ITGA9: variants seen among roughly 807,000 people sequenced by gnomAD.
ITGA9 encodes the protein integrin subunit alpha 9, also known as integrin alpha-9.
ITGA9 carries 56 observed loss-of-function variants against 127.8 expected under a neutral mutation model. The ratio of observed to expected loss-of-function variants is 0.44; its 90% CI spans 0.35 to 0.55. The LOEUF is 0.55. Among genes scored for constraint, ITGA9 ranks in the 20% least tolerant of loss-of-function variants. The pLI is 0.00. For synonymous variants in ITGA9, 508 were observed against 514.5 expected (o/e 0.99, Z 0.17); for missense variants, 1,196 against 1,347.1 (o/e 0.89, Z 1.76).
intron 17 of ITGA9, among the ~76,000 whole-genome samples, chr3:37,654,630 A>G (rs1434307255): frequency 1.3e-5 from 2 of 152,218 alleles, no homozygotes; most frequent in Non-Finnish European, 2.9e-5. Flanking sequence ...ACTTAAAACT[A>G]TGAGAGTTAA....
intron 23 of ITGA9, among the ~76,000 whole-genome samples, chr3:37,773,467 C>T (rs78341077): frequency 0.02 from 3,098 of 152,316 alleles, 111 homozygotes; most frequent in African/African-American, 0.07. Flanking sequence ...TACACACATT[C>T]GGATTCTCAA....
rs1559604413 is a variant in ITGA9 at position 37,806,806 on chromosome 3, C to T, written c.3009+2864C>T. ...TTGAGGAGGCTGTTGAATGAGGCCA[C>T]CTGGGTCACAACAGCTTTGCTAGTC... On this transcript the variant is annotated intron_variant, in intron 27 of 27. Coordinates refer to ENST00000264741, the MANE Select transcript of ITGA9 (RefSeq NM_002207.3). The surrounding 1 kb of genome is among the most constrained non-coding windows in gnomAD (Gnocchi z 4.3). 1 of 152,386 alleles carries T rather than the reference C, an allele frequency of 6.6e-6. No individual in the cohort carries two copies. Among genetic ancestry groups the T allele is most frequent in the East Asian group, 1.9e-4 (1 of 5,178 alleles). The allele number at this position is 152,386 out of a possible 1,614,324, so 9.4% of individuals were successfully genotyped here. A position where few individuals can be genotyped will look rare whatever the true frequency, so the allele number is the denominator to read the frequency against.
chr3:37,577,453 A>G (rs1699664824), intron 15 of ITGA9, among the ~76,000 whole-genome samples: 1 of 152,220 alleles, frequency 6.6e-6, no homozygotes, highest in East Asian at 1.9e-4. Context: ...AAACACTAAC[A>G]GTGGAACCAG....
At position 37,505,413 on chromosome 3, in the gene ITGA9, C is replaced by T. The variant is rs368303088; in HGVS notation, c.743-587C>T. 4.7e-4 allele frequency among the ~76,000 whole-genome samples: 72 copies of T among 152,226 alleles called. 1 individual carries two copies. In the South Asian group the frequency reaches 0.013, roughly 27 times the overall value. ...ATAAACATATGACATATTTATATAA[C>T]GGATATTACTCAATAATAAAAAGAA... is the stretch of plus-strand genomic sequence containing the variant. On this transcript the variant is annotated intron_variant, in intron 6 of 27. Coordinates refer to ENST00000264741, the MANE Select transcript of ITGA9 (RefSeq NM_002207.3).
intron 16 of ITGA9, among the ~76,000 whole-genome samples, chr3:37,640,073 G>A (rs1484920128): frequency 6.6e-6 from 1 of 152,200 alleles, no homozygotes; most frequent in Non-Finnish European, 1.5e-5. Flanking sequence ...GGGCTTCCAG[G>A]TCTTTCACTG....
chr3:37,798,964 G>T (rs549863713), intron 26 of ITGA9, among the ~76,000 whole-genome samples: 5 of 152,174 alleles, frequency 3.3e-5, no homozygotes, highest in Middle Eastern at 3.4e-3. Flanking sequence ...TAATAGTTCT[G>T]TGGTATTCTA....
intron 18 of ITGA9, among the ~76,000 whole-genome samples, chr3:37,728,925 C>T (rs1024758164): frequency 6.6e-6 from 1 of 151,960 alleles, no homozygotes; most frequent in African/African-American, 2.4e-5. Flanking sequence ...TCTGCTTCAC[C>T]CAGTCCTATG....
chr3:37,623,172 C>T (rs1327084752), intron 15 of ITGA9, among the ~76,000 whole-genome samples: 2 of 152,218 alleles, frequency 1.3e-5, no homozygotes, highest in Non-Finnish European at 1.5e-5. Flanking sequence ...TATGTCAGCA[C>T]CTTAACCACT....
At chr3:37,717,948 C>T (rs1701152053) in intron 18 of ITGA9, among the ~76,000 whole-genome samples, 2 of 152,136 alleles carry the variant, frequency 1.3e-5, no homozygotes, top group Non-Finnish European at 2.9e-5. Flanking sequence ...TGGGGACAGC[C>T]AATGCTTCTC....
chr3:37,560,920 C>T (rs1699480728), intron 15 of ITGA9, among the ~76,000 whole-genome samples: 1 of 152,170 alleles, frequency 6.6e-6, no homozygotes, highest in Non-Finnish European at 1.5e-5. Flanking sequence ...CTCTTCTTGG[C>T]TTGTAGATGA....
At chr3:37,453,089 G>T (rs914328816) in intron 1 of ITGA9, among the ~76,000 whole-genome samples, 11 of 144,718 alleles carry the variant, frequency 7.6e-5, no homozygotes, top group African/African-American at 2.6e-4. Context: ...GATCCACTGG[G>T]GCGCACTGGA....
chr3:37,511,935 A>G (rs1220625832), intron 8 of ITGA9, among the ~76,000 whole-genome samples: 1 of 151,492 alleles, frequency 6.6e-6, no homozygotes, highest in Non-Finnish European at 1.5e-5. Context: ...ATTAGAAAAC[A>G]TTTATTTTAA....
intron 7 of ITGA9, among the ~76,000 whole-genome samples, chr3:37,506,922 G>A (rs1421645930): frequency 2.0e-5 from 3 of 152,188 alleles, no homozygotes; most frequent in Admixed American, 2.0e-4. Context: ...CTGGATTCTG[G>A]ATTAGCCCAG....
intron 25 of ITGA9, among the ~76,000 whole-genome samples, chr3:37,784,075 G>A (rs990358798): frequency 1.1e-4 from 16 of 152,138 alleles, no homozygotes; most frequent in African/African-American, 3.9e-4. Flanking sequence ...GACACCACAA[G>A]ACACCTTGCC....
At chr3:37,700,839 A>AT (rs1214873061) in intron 18 of ITGA9, among the ~76,000 whole-genome samples, 3 of 152,216 alleles carry the variant, frequency 2.0e-5, no homozygotes, top group Non-Finnish European at 4.4e-5. Flanking sequence ...TACACCAGTA[A>AT]TTTTTAAGTA....
chr3:37,691,065 C>A (rs559405896), intron 18 of ITGA9, among the ~76,000 whole-genome samples: 2 of 152,184 alleles, frequency 1.3e-5, no homozygotes, highest in Admixed American at 1.3e-4. Flanking sequence ...CTCCTGCCCT[C>A]CCATATGCAT....
chr3:37,703,410 T>G (rs941940636), intron 18 of ITGA9, among the ~76,000 whole-genome samples: 1 of 152,232 alleles, frequency 6.6e-6, no homozygotes, highest in Non-Finnish European at 1.5e-5. Flanking sequence ...TCATTAACTA[T>G]TAGTACTTAA....
chr3:37,555,185 G>T (rs1172733657), intron 15 of ITGA9, among the ~76,000 whole-genome samples: 1 of 152,198 alleles, frequency 6.6e-6, no homozygotes, highest in Non-Finnish European at 1.5e-5. Context: ...CTGGTCTGAG[G>T]CCCCTGTAAA....
At chr3:37,592,104 G>A (rs149853130) in intron 15 of ITGA9, among the ~76,000 whole-genome samples, 1 of 152,122 alleles carries the variant, frequency 6.6e-6, no homozygotes, top group Non-Finnish European at 1.5e-5. Flanking sequence ...CCTCCAGCCT[G>A]TCTCTTTCAT....
Sources: gnomAD v4.1 joint callset for allele counts (sites outside exome capture counted in the v4.1 genomes callset) on GRCh38, gnomAD v4.1.1 for gene constraint, Gnocchi (gnomAD v3.1) non-coding constraint, MANE v1.5 for transcripts, NCBI Gene and HGNC (gene_info 2026-07-23, HGNC 2026-07-21) for gene names.